TSHZ2: variants seen among roughly 807,000 people sequenced by gnomAD.
The protein encoded by TSHZ2 is teashirt homolog 2.
A neutral mutation model predicts 74.4 loss-of-function variants in TSHZ2; 21 were observed. The observed-to-expected ratio is 0.28, with a 90% CI of 0.20 to 0.41. The LOEUF is 0.41. TSHZ2 is among the 10% of genes least tolerant of loss of function. The probability of loss-of-function intolerance (pLI) is 1.00; values close to 1 mark genes in which losing one functional copy is unlikely to be tolerated. For synonymous variants in TSHZ2, 540 were observed against 515.3 expected (o/e 1.05, Z -0.65); for missense variants, 1,244 against 1,293.5 (o/e 0.96, Z 0.59).
intron 2 of TSHZ2, among the ~76,000 whole-genome samples, chr20:53,402,739 C>A (rs56825232): frequency 3.3e-5 from 5 of 152,046 alleles, no homozygotes; most frequent in Non-Finnish European, 7.4e-5. Context: ...CAGTGGGATG[C>A]TTGTGTGCAG....
intron 2 of TSHZ2, among the ~76,000 whole-genome samples, chr20:53,313,791 C>G (rs546313804): frequency 2.0e-5 from 3 of 152,116 alleles, no homozygotes; most frequent in African/African-American, 7.2e-5. Context: ...TAAAATCCAC[C>G]GAATCTGCTT....
chr20:53,006,857 G>T (rs1982664202), intron 1 of TSHZ2, among the ~76,000 whole-genome samples: 1 of 151,684 alleles, frequency 6.6e-6, no homozygotes, highest in African/African-American at 2.4e-5. Flanking sequence ...TTTTGTTTGG[G>T]GTCAAACATG....
rs1277013475 is a variant in TSHZ2, at chr20:53,046,349, GT to G, written c.40+73017del. On this transcript the variant is annotated intron_variant, in intron 1 of 2. Coordinates refer to ENST00000371497, the MANE Select transcript of TSHZ2 (RefSeq NM_173485.6). The stretch of plus-strand genomic sequence containing the variant: ...CCAACATCAGCCATCATCTGGACTG[GT>G]CTTTTCATCCAGGGCACTCGATGGT... Among the ~76,000 whole-genome samples, 30 of 152,126 alleles carry G rather than the reference GT, an allele frequency of 2.0e-4. 1 individual carries two copies. Among genetic ancestry groups the G allele is most frequent in the Admixed American group, 1.7e-3 (26 of 15,278 alleles).
In TSHZ2 at chr20:53,074,116, A is replaced by G. The variant is rs1424282960; in HGVS notation, c.40+100783A>G. Among the ~76,000 whole-genome samples, 1 of 152,230 alleles carries G rather than the reference A, an allele frequency of 6.6e-6. No individual in the cohort carries two copies. The highest frequency in any genetic ancestry group is 1.5e-5 in the Non-Finnish European group (1 of 68,034). ...CATACAACTGTCTCTCACCTTCATG[A>G]CATCCTTGGTGAACTCTTATGTATC... On this transcript the variant is annotated intron_variant, in intron 1 of 2. Coordinates refer to ENST00000371497, the MANE Select transcript of TSHZ2 (RefSeq NM_173485.6). The surrounding 1 kb of genome is among the most constrained non-coding windows in gnomAD (Gnocchi z 5.9).
At position 53,410,487 on chromosome 20, in the gene TSHZ2, A is replaced by G. The variant is rs565605231; in HGVS notation, c.*9-76657A>G. On this transcript the variant is annotated intron_variant, in intron 2 of 2. Transcript: ENST00000371497. ...TAACAAAATCGGTGGAGGAGGAGGC[A>G]TAGCATTTGAATTAAATCAACTTAC... Among the ~76,000 whole-genome samples, 10 of 152,260 alleles carry G rather than the reference A, an allele frequency of 6.6e-5. No homozygotes were observed. The East Asian group carries it at 1.9e-3, about 29-fold the overall frequency.
At chr20:53,085,304 G>A (rs1394476902) in intron 1 of TSHZ2, among the ~76,000 whole-genome samples, 8 of 152,226 alleles carry the variant, frequency 5.3e-5, no homozygotes, top group South Asian at 4.2e-4. Flanking sequence ...GGCGGAGGTC[G>A]CAGTGAGCCA....
intron 2 of TSHZ2, among the ~76,000 whole-genome samples, chr20:53,418,312 A>T (rs1417853780): frequency 6.6e-6 from 1 of 152,186 alleles, no homozygotes; most frequent in African/African-American, 2.4e-5. Flanking sequence ...TTCTCTGAGC[A>T]GCTTCAAAAA....
chr20:53,058,425 A>C (rs1462961817), intron 1 of TSHZ2, among the ~76,000 whole-genome samples: 6 of 152,356 alleles, frequency 3.9e-5, no homozygotes, highest in African/African-American at 1.4e-4. Context: ...ATAACAGGCT[A>C]CAGTTTGTGA....
rs543795423 is a variant in TSHZ2, at chr20:53,255,514, G to T, written c.2056G>T (p.Ala686Ser). ...CAATGGGTGCGCCCTCGCCAACCAC[G>T]CCCCGGCCCTGCCATGCATCAACCC... ...LSNGCALANH[A>S]PALPCINPLS... Residue 686 changes from alanine to serine, a missense_variant, in exon 2 of 3, where the codon GCC becomes TCC. Ala to Ser is a moderately conservative substitution (Grantham distance 99). Coordinates refer to ENST00000371497, the MANE Select transcript of TSHZ2 (RefSeq NM_173485.6). This position sits in a 1 kb window ranked among gnomAD's most constrained non-coding sequence, Gnocchi z 4.1. 5.0e-6 allele frequency: 8 copies of T among 1,588,706 alleles called. No homozygotes were observed. The highest frequency in any genetic ancestry group is 1.3e-5 in the African/African-American group (1 of 74,114).
chr20:53,088,360 A>G (rs1362349340), intron 1 of TSHZ2, among the ~76,000 whole-genome samples: 3 of 152,202 alleles, frequency 2.0e-5, no homozygotes, highest in Non-Finnish European at 4.4e-5. Context: ...CATACAGGAA[A>G]TTGCAATGAG....
chr20:53,450,503 G>A (rs1352193430), intron 2 of TSHZ2, among the ~76,000 whole-genome samples: 11 of 152,106 alleles, frequency 7.2e-5, no homozygotes, highest in Non-Finnish European at 1.5e-5. Flanking sequence ...TAATTTTACT[G>A]TGAAGAAGAC....
chr20:53,206,285 G>A (rs1442045355), intron 1 of TSHZ2, among the ~76,000 whole-genome samples: 1 of 152,214 alleles, frequency 6.6e-6, no homozygotes, highest in East Asian at 1.9e-4. Flanking sequence ...TGATTGCTGT[G>A]AGGATTAAAA....
chr20:53,250,190 G>C (rs1003435749), intron 1 of TSHZ2, among the ~76,000 whole-genome samples: 1 of 152,162 alleles, frequency 6.6e-6, no homozygotes, highest in African/African-American at 2.4e-5. Context: ...CAATCAACAA[G>C]GAAGTTCTAT....
chr20:53,160,700 GT>G (rs1251832334), intron 1 of TSHZ2, among the ~76,000 whole-genome samples: 1 of 147,022 alleles, frequency 6.8e-6, no homozygotes, highest in Non-Finnish European at 1.5e-5. Context: ...AGCTGAGATT[GT>G]GCCACTGCAC....
intron 2 of TSHZ2, among the ~76,000 whole-genome samples, chr20:53,325,443 C>T (rs1243179636): frequency 2.0e-5 from 3 of 152,132 alleles, no homozygotes. Flanking sequence ...TGAAGCAGGC[C>T]TGGGAGAGCA....
At chr20:53,292,208 C>T (rs908407828) in intron 2 of TSHZ2, among the ~76,000 whole-genome samples, 2 of 152,078 alleles carry the variant, frequency 1.3e-5, no homozygotes, top group African/African-American at 4.8e-5. Flanking sequence ...GTTTTCTATA[C>T]CAAAACTGCT....
intron 1 of TSHZ2, among the ~76,000 whole-genome samples, chr20:53,138,582 C>G (rs1422027340): frequency 6.6e-6 from 1 of 152,104 alleles, no homozygotes; most frequent in African/African-American, 2.4e-5. Flanking sequence ...TCCTCCACCC[C>G]CCAACCCCTG....
chr20:53,277,421 CT>C (rs915200192), intron 2 of TSHZ2, among the ~76,000 whole-genome samples: 5 of 151,410 alleles, frequency 3.3e-5, no homozygotes, highest in African/African-American at 7.3e-5. Context: ...ACTAAACTTG[CT>C]TTCACTTTGC....
rs1415318866 is a variant in TSHZ2 at position 53,477,719 on chromosome 20, C to A, written c.*9-9425C>A. Among the ~76,000 whole-genome samples the A allele has an allele frequency of 1.3e-3, 176 of 139,798 alleles. 1 individual carries two copies. Among genetic ancestry groups the A allele is most frequent in the African/African-American group, 3.8e-3 (139 of 36,148 alleles). The allele number at this position is 139,798 out of a possible 152,430, so 91.7% of individuals were successfully genotyped here. ...CAAAAGAAACTACCATCAGAGTGAA[C>A]AGGCAACCTACAAAATGGGAGAAAA... is the stretch of plus-strand genomic sequence containing the variant. On this transcript the variant is annotated intron_variant, in intron 2 of 2. Transcript: ENST00000371497.
Sources: gnomAD v4.1 joint callset for allele counts (sites outside exome capture counted in the v4.1 genomes callset) on GRCh38, gnomAD v4.1.1 for gene constraint, Gnocchi (gnomAD v3.1) non-coding constraint, MANE v1.5 for transcripts, NCBI Gene and HGNC (gene_info 2026-07-23, HGNC 2026-07-21) for gene names.